The following OTUD7A variants were observed in gnomAD, a reference collection of about 807,000 sequenced individuals.
OTUD7A encodes the protein OTU deubiquitinase 7A, also known as OTU domain-containing protein 7A.
Under a neutral mutation model 65.7 loss-of-function variants are expected in OTUD7A, and 12 were observed. The observed-to-expected ratio is 0.18, with a 90% confidence interval of 0.12 to 0.30. The LOEUF is 0.30. Ranked by LOEUF, OTUD7A falls within the 10% of genes least tolerant of loss-of-function variation. The pLI is 1.00. For missense variants in OTUD7A, 1,148 were observed against 1,304.8 expected (o/e 0.88, Z 1.85); for synonymous variants, 641 against 586.3 (o/e 1.09, Z -1.35).
intron 1 of OTUD7A, among the ~76,000 whole-genome samples, chr15:31,868,471 C>T (rs1242983557): frequency 6.6e-6 from 1 of 152,202 alleles, no homozygotes; most frequent in East Asian, 1.9e-4. Flanking sequence ...AATCTTCATA[C>T]TATTGAGGAC....
At chr15:31,686,827 C>A (rs1310153156) in intron 1 of OTUD7A, among the ~76,000 whole-genome samples, 1 of 152,148 alleles carries the variant, frequency 6.6e-6, no homozygotes, top group African/African-American at 2.4e-5. Flanking sequence ...GGACACAGAG[C>A]GGTCTTCTCT....
chr15:31,496,029 G>A (rs2041378020), intron 10 of OTUD7A, among the ~76,000 whole-genome samples: 1 of 142,056 alleles, frequency 7.0e-6, no homozygotes, highest in South Asian at 2.2e-4. Flanking sequence ...TCATGGCACT[G>A]TACTCCAGCC....
At chr15:31,610,611 A>ATTTTTTTTTTTTTTTTT (rs1309588573) in intron 3 of OTUD7A, among the ~76,000 whole-genome samples, 1 of 36,586 alleles carries the variant, frequency 2.7e-5, no homozygotes, top group Non-Finnish European at 4.8e-5. Context: ...ATATATATAT[A>ATTTTTTTTTTTTTTTTT]TATATATTTT....
chr15:31,604,420 A>T (rs1890174668), intron 3 of OTUD7A, among the ~76,000 whole-genome samples: 1 of 152,112 alleles, frequency 6.6e-6, no homozygotes, highest in South Asian at 2.1e-4. Flanking sequence ...CACAGAGGGG[A>T]ACATCACACA....
At chr15:31,819,249 T>C (rs1197801809) in intron 1 of OTUD7A, among the ~76,000 whole-genome samples, 1 of 152,224 alleles carries the variant, frequency 6.6e-6, no homozygotes, top group East Asian at 1.9e-4. Flanking sequence ...AATTTCTTTT[T>C]GTTGGATAAA....
chr15:31,766,702 T>TG (rs1895102210), intron 1 of OTUD7A: 1 of 1,608,928 alleles, frequency 6.2e-7, no homozygotes, highest in Non-Finnish European at 8.5e-7. Flanking sequence ...CAACTCCTCT[T>TG]GGTCTTGAAC....
At chr15:31,534,487 G>C (rs938026716) in intron 5 of OTUD7A, among the ~76,000 whole-genome samples, 2 of 152,066 alleles carry the variant, frequency 1.3e-5, no homozygotes, top group African/African-American at 4.8e-5. Context: ...TCTAAGACTA[G>C]GAAAAAGACA....
intron 4 of OTUD7A, among the ~76,000 whole-genome samples, chr15:31,566,736 A>G (rs949577388): frequency 5.9e-5 from 9 of 152,082 alleles, no homozygotes; most frequent in Non-Finnish European, 1.0e-4. Flanking sequence ...TTCACACGCA[A>G]TCTGGTCATT....
chr15:31,600,318 A>G (rs1890036561), intron 3 of OTUD7A, among the ~76,000 whole-genome samples: 1 of 152,140 alleles, frequency 6.6e-6, no homozygotes, highest in African/African-American at 2.4e-5. Context: ...TTCTGCAGAA[A>G]CCCTACTCAA....
intron 3 of OTUD7A, among the ~76,000 whole-genome samples, chr15:31,590,287 T>C (rs757155179): frequency 5.3e-5 from 8 of 152,248 alleles, no homozygotes; most frequent in Non-Finnish European, 1.2e-4. Flanking sequence ...GCCATCTACT[T>C]CATGGAAGTG....
intron 3 of OTUD7A, among the ~76,000 whole-genome samples, chr15:31,636,058 C>T (rs962299619): frequency 1.3e-5 from 2 of 152,230 alleles, no homozygotes; most frequent in Non-Finnish European, 2.9e-5. Flanking sequence ...ATAAAATGCA[C>T]ATATTTAAGT....
At chr15:31,493,846 A>AGTT (rs3075490) in intron 10 of OTUD7A, among the ~76,000 whole-genome samples, 34,226 of 152,156 alleles carry the variant, frequency 0.22, 4,330 homozygotes, top group Non-Finnish European at 0.29. Context: ...TGTATGGTGT[A>AGTT]GTTACAGCAG....
chr15:31,716,313 ATTAATAT>A (rs1893583808), intron 1 of OTUD7A, among the ~76,000 whole-genome samples: 1 of 290 alleles, frequency 3.4e-3, no homozygotes, highest in Non-Finnish European at 0.05. Flanking sequence ...TGTAATATTG[ATTAATAT>A]ATTACATATG....
chr15:31,659,592 G>A (rs1892099265), intron 1 of OTUD7A, among the ~76,000 whole-genome samples: 1 of 152,272 alleles, frequency 6.6e-6, no homozygotes, highest in Non-Finnish European at 1.5e-5. Flanking sequence ...ATGAAGGCAA[G>A]GTTGGCATGA....
intron 3 of OTUD7A, among the ~76,000 whole-genome samples, chr15:31,604,975 G>A (rs1566940195): frequency 6.6e-6 from 1 of 152,240 alleles, no homozygotes; most frequent in Non-Finnish European, 1.5e-5. Flanking sequence ...GACGAGCAGA[G>A]CAGCCCGGGA....
chr15:31,737,633 CT>C (rs1338360958), intron 1 of OTUD7A, among the ~76,000 whole-genome samples: 2 of 152,148 alleles, frequency 1.3e-5, no homozygotes, highest in African/African-American at 4.8e-5. Flanking sequence ...GGAAATATAT[CT>C]TACAGAAATA....
At chr15:31,565,046 C>T (rs1888821169) in intron 4 of OTUD7A, among the ~76,000 whole-genome samples, 2 of 152,044 alleles carry the variant, frequency 1.3e-5, no homozygotes, top group African/African-American at 2.4e-5. Flanking sequence ...AAAACAAATA[C>T]AGCAGAAAGG....
intron 1 of OTUD7A, chr15:31,765,622 T>C: frequency 1.6e-6 from 1 of 609,982 alleles, no homozygotes; most frequent in Non-Finnish European, 2.8e-6. Context: ...TGGCACTACC[T>C]TACATAATGT....
chr15:31,501,633 G>C (rs2041466588), intron 10 of OTUD7A, 57 bp downstream of exon 10: 6 of 1,607,164 alleles, frequency 3.7e-6, no homozygotes, highest in Non-Finnish European at 5.1e-6. Context: ...GGTCCCTTCT[G>C]ATGGCTCTGC....
Sources: gnomAD v4.1 joint callset for allele counts (sites outside exome capture counted in the v4.1 genomes callset) on GRCh38, gnomAD v4.1.1 for gene constraint, MANE v1.5 for transcripts, NCBI Gene and HGNC (gene_info 2026-07-23, HGNC 2026-07-21) for gene names.